The following METTL15 variants were observed in gnomAD, a reference collection of about 807,000 sequenced individuals.
METTL15 encodes the protein methyltransferase 15, mitochondrial 12S rRNA N4-cytidine.
A neutral mutation model predicts 38.3 loss-of-function variants in METTL15; 34 were observed. That is an observed-to-expected ratio of 0.89 (90% CI 0.68 to 1.18). METTL15 has a LOEUF of 1.18. Among genes scored for constraint, METTL15 ranks in the 50% most tolerant of loss-of-function variants. METTL15 has a pLI of 0.00. For synonymous variants in METTL15, 162 were observed against 170.9 expected (o/e 0.95, Z 0.41); for missense variants, 438 against 498.4 (o/e 0.88, Z 1.15).
At chr11:28,152,827 G>A (rs989358059) in intron 3 of METTL15, among the ~76,000 whole-genome samples, 5 of 152,018 alleles carry the variant, frequency 3.3e-5, no homozygotes, top group African/African-American at 1.2e-4. Context: ...AAGGGCTGCA[G>A]TTTGGCTATT....
intron 3 of METTL15, among the ~76,000 whole-genome samples, chr11:28,207,516 T>G (rs1222235666): frequency 1.3e-5 from 2 of 151,946 alleles, no homozygotes; most frequent in Admixed American, 6.5e-5. Flanking sequence ...CTTGCCAGTA[T>G]TTTATTGAGG....
chr11:28,280,099 C>T (rs1446023317), intron 4 of METTL15, among the ~76,000 whole-genome samples: 1 of 152,094 alleles, frequency 6.6e-6, no homozygotes, highest in Non-Finnish European at 1.5e-5. Flanking sequence ...TTTGTACAGT[C>T]TGTATTAATC....
chr11:28,401,287 C>A (rs1249183396), intron 5 of METTL15, among the ~76,000 whole-genome samples: 6 of 151,966 alleles, frequency 3.9e-5, no homozygotes, highest in Non-Finnish European at 2.9e-5. Flanking sequence ...TCCACAAATA[C>A]CTGCCTGGGA....
At chr11:28,407,473 A>T (rs1219463929) in intron 5 of METTL15, among the ~76,000 whole-genome samples, 1 of 152,320 alleles carries the variant, frequency 6.6e-6, no homozygotes, top group South Asian at 2.1e-4. Flanking sequence ...CAAGAAAAAA[A>T]ACAACCCCTT....
intron 5 of METTL15, among the ~76,000 whole-genome samples, chr11:28,384,970 G>A (rs942960554): frequency 6.6e-6 from 1 of 151,932 alleles, no homozygotes; most frequent in African/African-American, 2.4e-5. Flanking sequence ...CATGTCCTTT[G>A]TTCACTTTTT....
At position 28,510,567 on chromosome 11, in the gene METTL15, GA is replaced by G. The variant is rs138149749; in HGVS notation, c.*425-15909del. On this transcript the variant is annotated intron_variant and NMD_transcript_variant, in intron 6 of 7. Coordinates refer to the METTL15 transcript ENST00000532947. The stretch of plus-strand genomic sequence containing the variant: ...AATAGTAGTATCAGTGAACAATTTT[GA>G]ATGCTATGTGTCAGACATTATGTTG... 8.0e-3 allele frequency among the ~76,000 whole-genome samples: 1,211 copies of G among 152,214 alleles called. 24 individuals carry two copies. The highest frequency in any genetic ancestry group is 0.027 in the African/African-American group (1,139 of 41,530).
chr11:28,501,226 T>C (rs527740160), intron 6 of METTL15, among the ~76,000 whole-genome samples: 44 of 152,240 alleles, frequency 2.9e-4, no homozygotes, highest in Non-Finnish European at 4.9e-4. Context: ...ACCTTTAGAA[T>C]TGAATATCAG....
intron 5 of METTL15, among the ~76,000 whole-genome samples, chr11:28,376,871 T>C (rs1365830819): frequency 6.9e-6 from 1 of 144,138 alleles, no homozygotes; most frequent in Non-Finnish European, 1.5e-5. Flanking sequence ...CCAAAATCTC[T>C]CAGCATTTGC....
At chr11:28,397,219 A>G (rs929676262) in intron 5 of METTL15, among the ~76,000 whole-genome samples, 1 of 152,132 alleles carries the variant, frequency 6.6e-6, no homozygotes, top group African/African-American at 2.4e-5. Context: ...AGCAATGGCA[A>G]CAAAAGCCAA....
At chr11:28,291,720 G>A (rs540329852) in intron 5 of METTL15, among the ~76,000 whole-genome samples, 1 of 152,236 alleles carries the variant, frequency 6.6e-6, no homozygotes, top group East Asian at 1.9e-4. Flanking sequence ...GTGAAATACA[G>A]TCTCATGTGT....
chr11:28,276,911 C>G (rs944367810), intron 4 of METTL15, among the ~76,000 whole-genome samples: 1 of 152,090 alleles, frequency 6.6e-6, no homozygotes, highest in Admixed American at 6.5e-5. Context: ...ATATAAAAAT[C>G]AACTCAACAT....
intron 3 of METTL15, among the ~76,000 whole-genome samples, chr11:28,137,800 TC>T (rs1565117800): frequency 6.6e-6 from 1 of 151,724 alleles, no homozygotes; most frequent in African/African-American, 2.4e-5. Flanking sequence ...TTTTTTTTTT[TC>T]AAAAAATATT....
At chr11:28,525,979 A>C (rs1851807695) in intron 6 of METTL15, among the ~76,000 whole-genome samples, 1 of 152,204 alleles carries the variant, frequency 6.6e-6, no homozygotes, top group South Asian at 2.1e-4. Flanking sequence ...CGAGAAATTG[A>C]GCACAGCGCT....
chr11:28,491,855 C>T (rs971451217), intron 6 of METTL15, among the ~76,000 whole-genome samples: 1 of 152,042 alleles, frequency 6.6e-6, no homozygotes, highest in African/African-American at 2.4e-5. Flanking sequence ...TCAAATTTAA[C>T]TGGATGCCTT....
chr11:28,284,019 T>C (rs1200872409), intron 4 of METTL15, among the ~76,000 whole-genome samples: 1 of 152,154 alleles, frequency 6.6e-6, no homozygotes. Flanking sequence ...AAAATTAGCC[T>C]AACGTAATTG....
intron 4 of METTL15, among the ~76,000 whole-genome samples, chr11:28,238,453 G>T (rs188420307): frequency 1.3e-5 from 2 of 152,348 alleles, no homozygotes; most frequent in East Asian, 1.9e-4. Context: ...TCCTAAGCCC[G>T]TCGGAAAAGC....
intron 6 of METTL15, among the ~76,000 whole-genome samples, chr11:28,427,418 C>A (rs1019983910): frequency 6.6e-6 from 1 of 151,920 alleles, no homozygotes; most frequent in Admixed American, 6.6e-5. Flanking sequence ...GCTCTCTGGG[C>A]TTTTTTTGGT....
At chr11:28,377,624 G>C (rs1850332150) in intron 5 of METTL15, among the ~76,000 whole-genome samples, 1 of 151,992 alleles carries the variant, frequency 6.6e-6, no homozygotes, top group Non-Finnish European at 1.5e-5. Context: ...GTAGCTCAGA[G>C]TAATTTGATC....
Position 28,407,113 on chromosome 11 carries a change from G to A in METTL15, c.*359-17186G>A, listed in dbSNP as rs190442791. ...GTATTATATTGAGGATTTTTGCATT[G>A]ATGTTCATCAGGGAAACTGGACTCT... On this transcript the variant is annotated intron_variant and NMD_transcript_variant, in intron 5 of 7. Transcript: ENST00000532947. Among the ~76,000 whole-genome samples the A allele has an allele frequency of 2.8e-3, 430 of 152,090 alleles. 2 individuals are homozygous for A. Among genetic ancestry groups the A allele is most frequent in the Non-Finnish European group, 5.1e-3 (348 of 67,982 alleles).
Sources: gnomAD v4.1 joint callset for allele counts (sites outside exome capture counted in the v4.1 genomes callset) on GRCh38, gnomAD v4.1.1 for gene constraint, MANE v1.5 for transcripts, NCBI Gene and HGNC (gene_info 2026-07-23, HGNC 2026-07-21) for gene names.